The following NAA35 variants were observed in gnomAD, a reference collection of about 807,000 sequenced individuals.
The protein encoded by NAA35 is N-alpha-acetyltransferase 35, NatC auxiliary subunit, also known as MAK10 homolog, amino-acid N-acetyltransferase subunit.
A neutral mutation model predicts 101.7 loss-of-function variants in NAA35; 18 were observed. The observed-to-expected ratio is 0.18, with a 90% CI of 0.12 to 0.26. The LOEUF is 0.26. NAA35 is among the 10% of genes least tolerant of loss of function. NAA35 has a pLI of 1.00. For missense variants in NAA35, 601 were observed against 886.8 expected (o/e 0.68, Z 4.09); for synonymous variants, 267 against 273.1 (o/e 0.98, Z 0.22).
At chr9:86,020,238 C>T (rs1272907996) in intron 21 of NAA35, among the ~76,000 whole-genome samples, 1 of 151,962 alleles carries the variant, frequency 6.6e-6, no homozygotes, top group Non-Finnish European at 1.5e-5. Context: ...TTATATGTAC[C>T]ATCTAAGAAA....
intron 13 of NAA35, among the ~76,000 whole-genome samples, chr9:86,004,597 A>T (rs950769491): frequency 1.2e-4 from 18 of 152,234 alleles, no homozygotes; most frequent in Non-Finnish European, 7.3e-5. Context: ...TATAGAACAG[A>T]AAAACAATGG....
chr9:85,980,516 A>C (rs574878776), intron 11 of NAA35, among the ~76,000 whole-genome samples: 83 of 152,262 alleles, frequency 5.5e-4, no homozygotes, highest in Non-Finnish European at 8.7e-4. Context: ...CCAAATATAT[A>C]TTTCATAATG....
Position 85,941,186 on chromosome 9 carries a change from G to C in NAA35, c.-93G>C, listed in dbSNP as rs951872065. On this transcript the variant is annotated 5_prime_UTR_variant, in exon 1 of 23. Transcript: ENST00000361671. ...CGCTGCCGGTCGGGCTGGGCTGAGAGGGGAGGGGGCGGCGGCGGCCGAGGC... is the reference window on the plus strand; with the variant it reads ...CGCTGCCGGTCGGGCTGGGCTGAGACGGGAGGGGGCGGCGGCGGCCGAGGC... 3 of 986,930 alleles carry C rather than the reference G, an allele frequency of 3.0e-6. No homozygotes were observed. Among genetic ancestry groups the C allele is most frequent in the Non-Finnish European group, 3.6e-6 (3 of 830,976 alleles). The allele number at this position is 986,930 out of a possible 1,614,324, so 61.1% of individuals were successfully genotyped here.
At chr9:85,962,356 T>C (rs1440759894) in intron 6 of NAA35, among the ~76,000 whole-genome samples, 176 bp downstream of exon 6, 3 of 151,516 alleles carry the variant, frequency 2.0e-5, no homozygotes, top group Non-Finnish European at 4.4e-5. Flanking sequence ...CCAGGTGTGG[T>C]GGCATGCATC....
intron 22 of NAA35, among the ~76,000 whole-genome samples, chr9:86,021,390 C>CG: frequency 6.6e-6 from 1 of 152,292 alleles, no homozygotes; most frequent in East Asian, 1.9e-4. Context: ...ATCCATGCTA[C>CG]GTCATCATTT....
chr9:85,941,399 G>C, intron 1 of NAA35, 126 bp downstream of exon 1: 1 of 985,466 alleles, frequency 1.0e-6, no homozygotes, highest in Non-Finnish European at 1.2e-6. Context: ...CTCCCGCTGC[G>C]CGTCAGGTAG....
intron 21 of NAA35, 39 bp downstream of exon 21, chr9:86,018,860 G>A (rs1314120394): frequency 4.4e-6 from 7 of 1,604,076 alleles, no homozygotes; most frequent in Non-Finnish European, 5.1e-6. Context: ...GGAAAAGCGT[G>A]GCAGGAAATA....
chr9:85,960,918 A>G (rs562803802), intron 5 of NAA35, among the ~76,000 whole-genome samples: 4 of 152,222 alleles, frequency 2.6e-5, no homozygotes, highest in Non-Finnish European at 5.9e-5. Flanking sequence ...CAAAGAGGGT[A>G]TATTGCATGG....
At chr9:86,005,731 A>G (rs1476815484) in intron 13 of NAA35, among the ~76,000 whole-genome samples, 3 of 152,222 alleles carry the variant, frequency 2.0e-5, no homozygotes, top group African/African-American at 7.2e-5. Flanking sequence ...ATTTACAATA[A>G]CAAAATGAAA....
chr9:85,974,205 C>T lies in NAA35; in HGVS notation c.517-762C>T, dbSNP rs12347051. Among the ~76,000 whole-genome samples, 605 of 152,144 alleles carry T rather than the reference C, an allele frequency of 4.0e-3. 5 individuals carry two copies. The highest frequency in any genetic ancestry group is 0.014 in the African/African-American group (570 of 41,508). On this transcript the variant is annotated intron_variant, in intron 6 of 22. Coordinates refer to ENST00000361671, the MANE Select transcript of NAA35 (RefSeq NM_024635.4). ...AACTCCTGACCTCAGGTAATCCACC[C>T]GCCTCGGTCTCCCAAAGTGCTGGGA...
At chr9:85,980,660 G>T (rs891379963) in intron 11 of NAA35, among the ~76,000 whole-genome samples, 3 of 152,066 alleles carry the variant, frequency 2.0e-5, no homozygotes, top group Non-Finnish European at 4.4e-5. Flanking sequence ...CTCTTCTTGT[G>T]TATTGCCATG....
intron 11 of NAA35, among the ~76,000 whole-genome samples, chr9:85,990,157 C>G (rs1830839909): frequency 6.6e-6 from 1 of 152,192 alleles, no homozygotes; most frequent in Non-Finnish European, 1.5e-5. Flanking sequence ...GTTAAGCAGA[C>G]ATGTGGAAAG....
At chr9:85,975,839 A>ACAGT (rs1337122532) in intron 8 of NAA35, among the ~76,000 whole-genome samples, 1 of 152,168 alleles carries the variant, frequency 6.6e-6, no homozygotes, top group East Asian at 1.9e-4. Context: ...AATAGCTGGT[A>ACAGT]CAGTGTCTGG....
At chr9:86,019,990 A>G (rs913681992) in intron 21 of NAA35, among the ~76,000 whole-genome samples, 1 of 152,240 alleles carries the variant, frequency 6.6e-6, no homozygotes, top group South Asian at 2.1e-4. Flanking sequence ...AGGATGAGGA[A>G]GATCTTTATG....
chr9:85,985,243 C>A (rs995771462), intron 11 of NAA35, among the ~76,000 whole-genome samples: 3 of 152,122 alleles, frequency 2.0e-5, no homozygotes, highest in Non-Finnish European at 4.4e-5. Flanking sequence ...CTGGTAGTGT[C>A]TCAAATGTTA....
intron 14 of NAA35, among the ~76,000 whole-genome samples, chr9:86,009,152 T>C (rs1831784556): frequency 6.6e-6 from 1 of 152,216 alleles, no homozygotes; most frequent in Admixed American, 6.5e-5. Flanking sequence ...TAATCATTTT[T>C]AGATTGAGAG....
At chr9:85,953,954 G>A (rs1473519147) in intron 2 of NAA35, among the ~76,000 whole-genome samples, 1 of 152,146 alleles carries the variant, frequency 6.6e-6, no homozygotes, top group Non-Finnish European at 1.5e-5. Flanking sequence ...TGTTTCCCAT[G>A]TTTTTTGATT....
At chr9:85,949,359 A>G (rs1034840488) in intron 2 of NAA35, among the ~76,000 whole-genome samples, 2 of 150,214 alleles carry the variant, frequency 1.3e-5, no homozygotes, top group African/African-American at 4.9e-5. Flanking sequence ...TAATGGCGCA[A>G]TCTCGGCTCA....
intron 2 of NAA35, among the ~76,000 whole-genome samples, chr9:85,944,451 G>A (rs1375428664): frequency 1.9e-4 from 29 of 152,208 alleles, no homozygotes; most frequent in Admixed American, 1.7e-3. Flanking sequence ...AGATTTGGGC[G>A]TTAAGGCCTT....
Sources: allele counts gnomAD v4.1 joint callset (sites outside exome capture counted in the v4.1 genomes callset), GRCh38; gene constraint gnomAD v4.1.1; transcripts MANE v1.5; gene names NCBI Gene and HGNC (gene_info 2026-07-23, HGNC 2026-07-21).